Variants in TMEM132C observed in about 807,000 individuals in gnomAD.
The protein encoded by TMEM132C is protein phosphatase 1, regulatory subunit 152.
Under a neutral mutation model 61.4 loss-of-function variants are expected in TMEM132C, and 29 were observed. The observed-to-expected ratio is 0.47, with a 90% CI of 0.35 to 0.64. The LOEUF (loss-of-function observed/expected upper bound fraction) is 0.64, where lower values mean the gene tolerates loss of function less well. Ranked by LOEUF, TMEM132C falls within the 30% of genes least tolerant of loss-of-function variation. The pLI is 0.00. For synonymous variants in TMEM132C, 656 were observed against 633.1 expected (o/e 1.04, Z -0.54); for missense variants, 1,408 against 1,476.9 (o/e 0.95, Z 0.76).
intron 2 of TMEM132C, among the ~76,000 whole-genome samples, chr12:128,429,537 G>C (rs1032335098): frequency 6.6e-6 from 1 of 152,190 alleles, no homozygotes; most frequent in Non-Finnish European, 1.5e-5. Flanking sequence ...AATGCAAGGA[G>C]CTCTGTCTCT....
intron 2 of TMEM132C, among the ~76,000 whole-genome samples, chr12:128,534,538 G>GA (rs1565965622): frequency 1.3e-5 from 2 of 152,246 alleles, no homozygotes; most frequent in East Asian, 3.9e-4. Context: ...AGCAGGGCTG[G>GA]AAGCTCCTCC....
chr12:128,548,046 G>A (rs1271017525), intron 3 of TMEM132C, among the ~76,000 whole-genome samples: 1 of 152,210 alleles, frequency 6.6e-6, no homozygotes, highest in African/African-American at 2.4e-5. Context: ...ATCAGGAGAT[G>A]ATGGTAGCTG....
intron 1 of TMEM132C, among the ~76,000 whole-genome samples, chr12:128,393,061 A>G (rs1593037214): frequency 6.6e-6 from 1 of 152,364 alleles, no homozygotes; most frequent in East Asian, 1.9e-4. Flanking sequence ...TTTCTTGCAG[A>G]ACAAAAAGTC....
intron 2 of TMEM132C, among the ~76,000 whole-genome samples, chr12:128,425,936 T>C (rs893293477): frequency 6.6e-6 from 1 of 152,220 alleles, no homozygotes; most frequent in Non-Finnish European, 1.5e-5. Context: ...CCAAATCAGG[T>C]TGCGTTCTGA....
intron 3 of TMEM132C, among the ~76,000 whole-genome samples, chr12:128,569,121 C>T (rs1874792561): frequency 6.6e-6 from 1 of 152,084 alleles, no homozygotes; most frequent in Non-Finnish European, 1.5e-5. Flanking sequence ...GAGCGGTCAA[C>T]CCAGTTCTCT....
At chr12:128,352,774 G>T (rs1208633171) in intron 1 of TMEM132C, among the ~76,000 whole-genome samples, 1 of 152,220 alleles carries the variant, frequency 6.6e-6, no homozygotes, top group Non-Finnish European at 1.5e-5. Flanking sequence ...TGCTTTGATT[G>T]TTCAAGGAGT....
At chr12:128,333,206 G>A (rs759381315) in intron 1 of TMEM132C, among the ~76,000 whole-genome samples, 7 of 151,212 alleles carry the variant, frequency 4.6e-5, no homozygotes, top group Admixed American at 4.0e-4. Flanking sequence ...ATGTGTGTAT[G>A]TGTGAGAGTG....
In TMEM132C at chr12:128,688,981, G is replaced by GT. The variant is rs149682230; in HGVS notation, c.1450-4843dup. Among the ~76,000 whole-genome samples the GT allele has an allele frequency of 6.9e-3, 1,031 of 150,210 alleles. 10 individuals are homozygous for GT. The highest frequency in any genetic ancestry group is 0.024 in the African/African-American group (973 of 41,012). The stretch of plus-strand genomic sequence containing the variant: ...GCTAGTTGTTGTTTTTTTTGTTTTT[G>GT]TTTTTGTTTTATTTTTAGTAGAGAC... On this transcript the variant is annotated intron_variant, in intron 5 of 8. Coordinates refer to ENST00000435159, the MANE Select transcript of TMEM132C (RefSeq NM_001136103.3).
At chr12:128,600,215 C>G (rs1348436787) in intron 3 of TMEM132C, among the ~76,000 whole-genome samples, 1 of 152,122 alleles carries the variant, frequency 6.6e-6, no homozygotes, top group African/African-American at 2.4e-5. Flanking sequence ...ATCTCCTGAC[C>G]TTGTGATCTG....
intron 2 of TMEM132C, among the ~76,000 whole-genome samples, chr12:128,518,637 A>G (rs1872797416): frequency 6.6e-6 from 1 of 152,238 alleles, no homozygotes; most frequent in African/African-American, 2.4e-5. Flanking sequence ...AGCATTCCAT[A>G]TAAAAGTAAT....
intron 4 of TMEM132C, among the ~76,000 whole-genome samples, chr12:128,657,243 C>T (rs1172023705): frequency 6.6e-6 from 1 of 152,132 alleles, no homozygotes; most frequent in Non-Finnish European, 1.5e-5. Flanking sequence ...TCCTCCTTCC[C>T]CCAAAGATAC....
chr12:128,581,888 G>A (rs562083958), intron 3 of TMEM132C, among the ~76,000 whole-genome samples: 5 of 152,338 alleles, frequency 3.3e-5, no homozygotes, highest in African/African-American at 1.2e-4. Flanking sequence ...GTTGTGTACT[G>A]AGGGGGTGCA....
At chr12:128,699,297 T>G (rs1222359095) in intron 8 of TMEM132C, among the ~76,000 whole-genome samples, 1 of 152,126 alleles carries the variant, frequency 6.6e-6, no homozygotes, top group African/African-American at 2.4e-5. Context: ...GTGCGGTGGG[T>G]GGGCTCAGCT....
rs537050427 is a variant in TMEM132C at position 128,389,939 on chromosome 12, C to T, written c.86-24793C>T. On this transcript the variant is annotated intron_variant, in intron 1 of 8. Coordinates refer to ENST00000435159, the MANE Select transcript of TMEM132C (RefSeq NM_001136103.3). ...TGTCACCCATGCTGACGTGCAGTGG[C>T]GCAATCATAGCTCACTAAAGCATTG... is the stretch of plus-strand genomic sequence containing the variant. Among the ~76,000 whole-genome samples the T allele has an allele frequency of 4.9e-4, 74 of 152,296 alleles. No homozygotes were observed. The South Asian group carries it at 0.014, about 29-fold the overall frequency.
intron 4 of TMEM132C, among the ~76,000 whole-genome samples, chr12:128,635,825 T>C (rs1037398975): frequency 3.3e-5 from 5 of 152,216 alleles, no homozygotes; most frequent in Admixed American, 6.5e-5. Flanking sequence ...GCCAGCTCCC[T>C]GCCCTAAAAC....
chr12:128,499,221 A>G (rs1425763143), intron 2 of TMEM132C, among the ~76,000 whole-genome samples: 1 of 152,132 alleles, frequency 6.6e-6, no homozygotes, highest in African/African-American at 2.4e-5. Context: ...AGAAATAAAC[A>G]CCAAGTAATG....
intron 2 of TMEM132C, among the ~76,000 whole-genome samples, chr12:128,451,698 T>C (rs1870179657): frequency 6.7e-6 from 1 of 150,116 alleles, no homozygotes; most frequent in Non-Finnish European, 1.5e-5. Context: ...CCCAGGAGAG[T>C]CTTTAAAAAT....
chr12:128,497,518 G>A (rs2136105911), intron 2 of TMEM132C, among the ~76,000 whole-genome samples: 1 of 152,328 alleles, frequency 6.6e-6, no homozygotes, highest in Non-Finnish European at 1.5e-5. Context: ...ACCTAGTTAA[G>A]CCTCAGCAAT....
intron 2 of TMEM132C, among the ~76,000 whole-genome samples, chr12:128,448,389 C>G (rs1178718824): frequency 6.6e-6 from 1 of 152,202 alleles, no homozygotes; most frequent in East Asian, 1.9e-4. Context: ...ACTCATTTGT[C>G]TGAGGTCAAC....
Sources: allele counts gnomAD v4.1 joint callset (sites outside exome capture counted in the v4.1 genomes callset), GRCh38; gene constraint gnomAD v4.1.1; transcripts MANE v1.5; gene names NCBI Gene and HGNC (gene_info 2026-07-23, HGNC 2026-07-21).